TG: variants seen among roughly 807,000 people sequenced by gnomAD.
The protein encoded by TG is thyroglobulin, also known as thyroid hormones.
TG carries 270 observed loss-of-function variants against 324.7 expected under a neutral mutation model. The ratio of observed to expected loss-of-function variants is 0.83; its 90% CI spans 0.75 to 0.92. TG has a LOEUF of 0.92. Among genes scored for constraint, TG ranks in the 40% least tolerant of loss-of-function variants. TG has a pLI of 0.00. For missense variants in TG, 3,591 were observed against 3,456.4 expected (o/e 1.04, Z -0.98); for synonymous variants, 1,401 against 1,327.0 (o/e 1.06, Z -1.21).
intron 43 of TG, among the ~76,000 whole-genome samples, chr8:133,108,211 C>T (rs1191795597): frequency 6.6e-6 from 1 of 151,734 alleles, no homozygotes; most frequent in Admixed American, 6.6e-5. Context: ...TGGTCTCGAT[C>T]TCCTGACCTT....
At chr8:132,953,951 G>A (rs1329684866) in intron 27 of TG, among the ~76,000 whole-genome samples, 1 of 151,726 alleles carries the variant, frequency 6.6e-6, no homozygotes, top group African/African-American at 2.4e-5. Context: ...ATGGAAAAAA[G>A]GCAGATTAAA....
intron 39 of TG, among the ~76,000 whole-genome samples, chr8:133,021,396 C>T (rs561681675): frequency 1.8e-4 from 27 of 152,318 alleles, no homozygotes; most frequent in East Asian, 5.8e-4. Context: ...TACCATGAGA[C>T]GGGCTCCAGG....
rs1815594514 is a variant in TG at position 132,887,525 on chromosome 8, G to A, written c.2153G>A (p.Ser718Asn). The change falls in exon 9 of 48, where the codon AGT becomes AAT. Residue 718 changes from serine to asparagine, a missense_variant. By Grantham distance (46) the Ser-to-Asn change is conservative. Coordinates refer to ENST00000220616, the MANE Select transcript of TG (RefSeq NM_003235.5). ...AEGQAIPGTR[S>N]AIGKPKKCPT... ...GGTCAGGCCATTCCTGGAACTCGAAGTGCAATAGGGAAGCCCAAGAAATGT... is the reference window on the plus strand; with the variant it reads ...GGTCAGGCCATTCCTGGAACTCGAAATGCAATAGGGAAGCCCAAGAAATGT... The A allele has an allele frequency of 6.2e-7, 1 of 1,614,096 alleles. No individual in the cohort carries two copies. Among genetic ancestry groups the A allele is most frequent in the South Asian group, 1.1e-5 (1 of 91,084 alleles).
chr8:132,917,049 CCTTCCT>C (rs1820427296), intron 20 of TG, among the ~76,000 whole-genome samples: 1 of 124,162 alleles, frequency 8.1e-6, no homozygotes, highest in Non-Finnish European at 1.7e-5. Context: ...CTCCCTCCTT[CCTTCCT>C]TCCTTCCTTC....
intron 36 of TG, 92 bp downstream of exon 36, chr8:133,012,127 C>T (rs1834568270): frequency 1.3e-6 from 2 of 1,553,646 alleles, no homozygotes; most frequent in African/African-American, 2.7e-5. Context: ...ACATGAGACA[C>T]TACGATAACC....
At chr8:133,104,124 G>T (rs180977781) in intron 43 of TG, among the ~76,000 whole-genome samples, 2 of 152,304 alleles carry the variant, frequency 1.3e-5, no homozygotes. Context: ...GGGCAGGAGT[G>T]GTCCTGGCTG....
intron 11 of TG, among the ~76,000 whole-genome samples, chr8:132,894,804 G>A (rs917730096): frequency 1.3e-5 from 2 of 152,208 alleles, no homozygotes; most frequent in African/African-American, 4.8e-5. Flanking sequence ...GGCACTTACT[G>A]TGCTAAGTAG....
chr8:133,122,458 G>A (rs1033132630), intron 45 of TG, among the ~76,000 whole-genome samples: 5 of 152,222 alleles, frequency 3.3e-5, no homozygotes, highest in Non-Finnish European at 1.5e-5. Context: ...GTGAGTAGCA[G>A]TCTGGAGCCA....
intron 41 of TG, among the ~76,000 whole-genome samples, chr8:133,085,802 C>T (rs1177524648): frequency 6.6e-6 from 1 of 152,214 alleles, no homozygotes; most frequent in East Asian, 1.9e-4. Context: ...CTTTGACAAA[C>T]AGTTTGGCAA....
At chr8:132,873,281 C>G in intron 5 of TG, 60 bp downstream of exon 5, 1 of 1,596,240 alleles carries the variant, frequency 6.3e-7, no homozygotes. Context: ...CCACACTCAC[C>G]TTGAGCTGGG....
intron 41 of TG, chr8:133,047,012 T>C (rs1839549581): frequency 6.6e-6 from 1 of 152,168 alleles, no homozygotes; most frequent in South Asian, 2.1e-4. Context: ...AAAAAGTTAT[T>C]ATTATTATTC....
At chr8:132,929,952 G>T (rs1185651037) in intron 23 of TG, among the ~76,000 whole-genome samples, 1 of 152,174 alleles carries the variant, frequency 6.6e-6, no homozygotes, top group Non-Finnish European at 1.5e-5. Context: ...CCCTCACCCA[G>T]GTAGTGAGCG....
intron 4 of TG, among the ~76,000 whole-genome samples, chr8:132,871,820 G>T (rs1195123261): frequency 6.6e-6 from 1 of 152,172 alleles, no homozygotes; most frequent in Non-Finnish European, 1.5e-5. Flanking sequence ...CACTGCATGG[G>T]TCTCTAACTG....
chr8:132,969,016 G>A (rs961096796), intron 31 of TG, among the ~76,000 whole-genome samples: 8 of 152,060 alleles, frequency 5.3e-5, no homozygotes, highest in Admixed American at 2.0e-4. Context: ...TGTCAGCTGC[G>A]GAGAGGAGAG....
chr8:133,118,549 T>A (rs1231334389), intron 45 of TG, among the ~76,000 whole-genome samples: 5 of 152,150 alleles, frequency 3.3e-5, no homozygotes, highest in Non-Finnish European at 7.4e-5. Context: ...GGTCTCGAAT[T>A]CTTGACCTCA....
Position 133,102,868 on chromosome 8 carries a change from G to A in TG, c.7572+6495G>A, listed in dbSNP as rs997920138. The A allele has an allele frequency of 1.2e-5, 4 of 338,864 alleles. No individual in the cohort carries two copies. The Admixed American group carries it at 1.2e-4, about 11-fold the overall frequency. 21.0% of individuals were successfully genotyped at this position (338,864 alleles called of 1,614,324 possible). A position where few individuals can be genotyped will look rare whatever the true frequency, so the allele number is the denominator to read the frequency against. ...TGCCCCTAAGCTTGGCCAGGAGTTG[G>A]CCTCGTCTGGGAGCAGGTGGAGTGG... On this transcript the variant is annotated intron_variant, in intron 43 of 47. Coordinates refer to ENST00000220616, the MANE Select transcript of TG (RefSeq NM_003235.5).
intron 5 of TG, among the ~76,000 whole-genome samples, chr8:132,875,739 G>C (rs980416448): frequency 1.8e-4 from 28 of 152,202 alleles, no homozygotes; most frequent in African/African-American, 6.0e-4. Flanking sequence ...TGAAATGGGA[G>C]CCTTTTCATT....
At position 132,967,948 on chromosome 8, in the gene TG, A is replaced by G. The variant is rs772000550; in HGVS notation, c.5841A>G (p.Pro1947=). ...GCAGACTGATCCTGCCTCAGATGCC[A>G]AAGGCCCTGTTCCGGAAGAAAGGTG... The part of the protein sequence containing the change: ...QGCRLILPQM[P]KALFRKKVIL... Residue 1947 remains proline, a synonymous_variant, in exon 31 of 48, where the codon CCA becomes CCG. Transcript: ENST00000220616. 1 of 1,613,812 alleles carries G rather than the reference A, an allele frequency of 6.2e-7. No individual in the cohort carries two copies. The highest frequency in any genetic ancestry group is 1.1e-5 in the South Asian group (1 of 91,054).
intron 27 of TG, among the ~76,000 whole-genome samples, chr8:132,952,873 C>G (rs1335645129): frequency 6.6e-6 from 1 of 152,178 alleles, no homozygotes; most frequent in Non-Finnish European, 1.5e-5. Context: ...GGCTGGGGCT[C>G]AAGCCTTCAG....
Sources: gnomAD v4.1 joint callset for allele counts (sites outside exome capture counted in the v4.1 genomes callset) on GRCh38, gnomAD v4.1.1 for gene constraint, MANE v1.5 for transcripts, NCBI Gene and HGNC (gene_info 2026-07-23, HGNC 2026-07-21) for gene names.